The following AK5 variants were observed in gnomAD, a reference collection of about 807,000 sequenced individuals.
AK5 encodes adenylate kinase 5, also known as adenylate kinase isoenzyme 5.
Under a neutral mutation model 69.5 loss-of-function variants are expected in AK5, and 27 were observed. The observed-to-expected ratio is 0.39, with a 90% CI of 0.29 to 0.54. The LOEUF is 0.54. Ranked by LOEUF, AK5 falls within the 20% of genes least tolerant of loss-of-function variation. AK5 has a pLI of 0.71. For synonymous variants in AK5, 260 were observed against 244.4 expected, an observed-to-expected ratio of 1.06 and a Z score of -0.60; for missense variants, 531 against 700.4, an observed-to-expected ratio of 0.76 and a Z score of 2.73.
intron 6 of AK5, among the ~76,000 whole-genome samples, chr1:77,367,595 ATG>A (rs1553139762): frequency 1.1e-5 from 1 of 91,122 alleles, no homozygotes; most frequent in African/African-American, 4.7e-5. Flanking sequence ...TATGTTATAT[ATG>A]TAATATATAT....
chr1:77,433,461 C>T (rs1196200173), intron 8 of AK5, among the ~76,000 whole-genome samples: 6 of 152,250 alleles, frequency 3.9e-5, no homozygotes, highest in African/African-American at 1.4e-4. Flanking sequence ...CAGACTTTAT[C>T]TGTAGTACCT....
At chr1:77,451,325 T>C (rs1174287067) in intron 8 of AK5, among the ~76,000 whole-genome samples, 1 of 152,210 alleles carries the variant, frequency 6.6e-6, no homozygotes, top group East Asian at 1.9e-4. Flanking sequence ...TATAATCAGA[T>C]TTTGCATTTA....
At chr1:77,447,382 T>A (rs915067075) in intron 8 of AK5, among the ~76,000 whole-genome samples, 1 of 152,212 alleles carries the variant, frequency 6.6e-6, no homozygotes, top group Non-Finnish European at 1.5e-5. Flanking sequence ...TCTGAAGACA[T>A]AAAAGTGAAT....
Position 77,518,697 on chromosome 1 carries a change from C to T in AK5, c.1281C>T (p.Asp427=). ...CTGAAAGAAGCAAATTGATCAGAGACATTATGGAACGTGGAGACCTGGTGC... is the reference window on the plus strand; with the variant it reads ...CTGAAAGAAGCAAATTGATCAGAGATATTATGGAACGTGGAGACCTGGTGC... ...SESERSKLIR[D]IMERGDLVPS... The change falls in exon 11 of 14, where the codon GAC becomes GAT. Residue 427 remains aspartate, a synonymous_variant. Transcript: ENST00000354567. 1.2e-6 allele frequency: 2 copies of T among 1,614,194 alleles called. No individual in the cohort carries two copies. The highest frequency in any genetic ancestry group is 1.7e-6 in the Non-Finnish European group (2 of 1,180,026).
chr1:77,380,684 T>G (rs1647568501), intron 6 of AK5, among the ~76,000 whole-genome samples: 1 of 152,146 alleles, frequency 6.6e-6, no homozygotes, highest in South Asian at 2.1e-4. Context: ...TATAGGCTAG[T>G]GTTGGGCACA....
At chr1:77,514,641 C>T (rs1265586387) in intron 10 of AK5, among the ~76,000 whole-genome samples, 1 of 152,204 alleles carries the variant, frequency 6.6e-6, no homozygotes, top group Non-Finnish European at 1.5e-5. Context: ...TAAAAATTTG[C>T]AGCTGTTGCT....
At chr1:77,428,799 T>C (rs1456485539) in intron 8 of AK5, among the ~76,000 whole-genome samples, 1 of 151,310 alleles carries the variant, frequency 6.6e-6, no homozygotes, top group East Asian at 2.0e-4. Flanking sequence ...TTCCCCTTCC[T>C]GTGTCCATGT....
At chr1:77,476,561 C>T (rs1654946610) in intron 8 of AK5, among the ~76,000 whole-genome samples, 1 of 152,156 alleles carries the variant, frequency 6.6e-6, no homozygotes, top group East Asian at 1.9e-4. Context: ...ATTCATATGA[C>T]ACCAGGAGCA....
chr1:77,411,096 AC>A (rs1650014959), intron 7 of AK5, 25 bp downstream of exon 7: 1 of 1,598,648 alleles, frequency 6.3e-7, no homozygotes, highest in African/African-American at 1.3e-5. Flanking sequence ...CCTTTAGACA[AC>A]AGTACGCCGT....
At chr1:77,514,385 G>A (rs529274769) in intron 10 of AK5, among the ~76,000 whole-genome samples, 4 of 152,072 alleles carry the variant, frequency 2.6e-5, no homozygotes, top group South Asian at 4.2e-4. Context: ...ATCTTTTGCC[G>A]GGTAACAAAT....
At chr1:77,294,420 A>C (rs967379174) in intron 3 of AK5, among the ~76,000 whole-genome samples, 2 of 152,012 alleles carry the variant, frequency 1.3e-5, no homozygotes, top group African/African-American at 4.8e-5. Flanking sequence ...GAAAAAAAGA[A>C]AGTTTTCTAA....
chr1:77,537,702 G>T (rs945762345), intron 13 of AK5, among the ~76,000 whole-genome samples: 3 of 152,190 alleles, frequency 2.0e-5, no homozygotes, highest in African/African-American at 7.2e-5. Context: ...TTCCTTGGGG[G>T]AAAACCATTG....
At chr1:77,460,100 T>G (rs1653741398) in intron 8 of AK5, among the ~76,000 whole-genome samples, 1 of 152,134 alleles carries the variant, frequency 6.6e-6, no homozygotes, top group African/African-American at 2.4e-5. Flanking sequence ...AATGCAAATT[T>G]CATTAATAAA....
chr1:77,553,914 G>A (rs965707298), intron 13 of AK5, among the ~76,000 whole-genome samples: 1 of 152,140 alleles, frequency 6.6e-6, no homozygotes, highest in Admixed American at 6.5e-5. Context: ...GATGAGGAAG[G>A]CAGACATCCC....
intron 6 of AK5, among the ~76,000 whole-genome samples, chr1:77,391,495 G>GTGTGTGTATATATATATATA (rs1425180466): frequency 1.6e-5 from 1 of 63,450 alleles, no homozygotes; most frequent in South Asian, 6.1e-4. Context: ...GTGTGTGTGT[G>GTGTGTGTATATATATATATA]TATATATATA....
At chr1:77,364,991 G>A (rs1646925928) in intron 6 of AK5, among the ~76,000 whole-genome samples, 1 of 152,146 alleles carries the variant, frequency 6.6e-6, no homozygotes, top group African/African-American at 2.4e-5. Flanking sequence ...CCCAACAACA[G>A]TGTATGGCCT....
chr1:77,479,834 A>G (rs370738173), intron 8 of AK5, among the ~76,000 whole-genome samples: 12 of 152,166 alleles, frequency 7.9e-5, no homozygotes, highest in African/African-American at 2.9e-4. Flanking sequence ...AAAGGCCAGA[A>G]CACAAAGAGG....
intron 8 of AK5, among the ~76,000 whole-genome samples, chr1:77,473,526 C>T (rs189249456): frequency 2.0e-5 from 3 of 152,164 alleles, no homozygotes; most frequent in East Asian, 3.9e-4. Flanking sequence ...TGGACAGCTA[C>T]GGACATTAAA....
chr1:77,446,530 T>C (rs1296963307), intron 8 of AK5, among the ~76,000 whole-genome samples: 1 of 152,220 alleles, frequency 6.6e-6, no homozygotes, highest in Admixed American at 6.5e-5. Context: ...TATGGCCATT[T>C]TCACAATATT....
Sources: gnomAD v4.1 joint callset for allele counts (sites outside exome capture counted in the v4.1 genomes callset) on GRCh38, gnomAD v4.1.1 for gene constraint, MANE v1.5 for transcripts, NCBI Gene and HGNC (gene_info 2026-07-23, HGNC 2026-07-21) for gene names.